RTN4: variants seen among roughly 807,000 people sequenced by gnomAD.
The protein encoded by RTN4 is reticulon 4, also known as reticulon-4.
Under a neutral mutation model 90.4 loss-of-function variants are expected in RTN4, and 32 were observed. The observed-to-expected ratio is 0.35, with a 90% CI of 0.27 to 0.48. The LOEUF (loss-of-function observed/expected upper bound fraction) is 0.48. Ranked by LOEUF, RTN4 falls within the 20% of genes least tolerant of loss-of-function variation. RTN4 has a pLI of 0.99. For synonymous variants in RTN4, 629 were observed against 552.5 expected (o/e 1.14, Z -1.94); for missense variants, 1,706 against 1,430.2 (o/e 1.19, Z -3.11).
intron 4 of RTN4, among the ~76,000 whole-genome samples, chr2:54,983,394 T>A (rs1161312613): frequency 1.3e-5 from 2 of 152,110 alleles, no homozygotes; most frequent in Non-Finnish European, 2.9e-5. Context: ...CACAGGAATG[T>A]AAGAAACAGT....
intron 1 of RTN4, among the ~76,000 whole-genome samples, chr2:55,047,325 C>A (rs1413911693): frequency 8.0e-6 from 1 of 125,750 alleles, no homozygotes; most frequent in Non-Finnish European, 1.6e-5. Flanking sequence ...GGGAGACTAT[C>A]TCAAAAAAAA....
chr2:55,008,400 C>T (rs1246604247), intron 3 of RTN4, among the ~76,000 whole-genome samples: 1 of 151,886 alleles, frequency 6.6e-6, no homozygotes, highest in Non-Finnish European at 1.5e-5. Flanking sequence ...CAACTTAAAC[C>T]TTACTCTGTA....
intron 3 of RTN4, among the ~76,000 whole-genome samples, chr2:55,020,094 TAA>T (rs1681318064): frequency 6.6e-6 from 1 of 151,992 alleles, no homozygotes; most frequent in African/African-American, 2.4e-5. Context: ...TCATGAATCA[TAA>T]GAGTTAACAT....
At chr2:55,077,756 TACACACACACAC>T (rs200121610) in intron 2 of RTN4, among the ~76,000 whole-genome samples, 7 of 144,464 alleles carry the variant, frequency 4.8e-5, no homozygotes, top group South Asian at 2.2e-4. Context: ...AAATGTTTTA[TACACACACACAC>T]ACACACACAC....
At chr2:55,087,009 T>C (rs1042632391) in intron 1 of RTN4, among the ~76,000 whole-genome samples, 2 of 152,162 alleles carry the variant, frequency 1.3e-5, no homozygotes, top group Non-Finnish European at 2.9e-5. Context: ...CTTTTTGATA[T>C]CTGGGCTCCT....
At chr2:55,099,832 G>A (rs143846603) in intron 1 of RTN4, among the ~76,000 whole-genome samples, 11 of 152,156 alleles carry the variant, frequency 7.2e-5, no homozygotes, top group African/African-American at 2.2e-4. Context: ...TAAATGAAGC[G>A]ATTCATGTAA....
At chr2:55,008,975 C>A (rs959346295) in intron 3 of RTN4, among the ~76,000 whole-genome samples, 19 of 152,188 alleles carry the variant, frequency 1.2e-4, no homozygotes, top group African/African-American at 3.9e-4. Context: ...AAAGGCAAAA[C>A]CCAAAGCTGT....
At chr2:55,021,318 A>G (rs1681413482) in intron 3 of RTN4, among the ~76,000 whole-genome samples, 1 of 152,088 alleles carries the variant, frequency 6.6e-6, no homozygotes, top group African/African-American at 2.4e-5. Flanking sequence ...TATGTCCTCA[A>G]CAGTGTGTCT....
At chr2:55,080,751 C>T (rs1012387683) in intron 1 of RTN4, 2 of 152,172 alleles carry the variant, frequency 1.3e-5, no homozygotes, top group African/African-American at 4.8e-5. Context: ...GCATATGACC[C>T]TTCTGTCTTT....
intron 2 of RTN4, 91 bp downstream of exon 2, chr2:55,028,073 A>G: frequency 9.2e-7 from 1 of 1,083,552 alleles, no homozygotes. Context: ...GCTAATTTTT[A>G]GTAAACCCAA....
At chr2:55,063,413 G>A (rs1404784643) in intron 2 of RTN4, among the ~76,000 whole-genome samples, 2 of 152,118 alleles carry the variant, frequency 1.3e-5, no homozygotes, top group African/African-American at 4.8e-5. Flanking sequence ...TGCTTGGCAT[G>A]TTCACAGAAT....
intron 3 of RTN4, among the ~76,000 whole-genome samples, chr2:54,998,735 T>G (rs1573339861): frequency 6.6e-6 from 1 of 152,188 alleles, no homozygotes; most frequent in East Asian, 1.9e-4. Context: ...ACATTTAAAT[T>G]CATTTTCAAA....
chr2:55,007,442 T>A lies in RTN4; in HGVS notation c.3013+17644A>T, dbSNP rs377230557. Reference sequence around the variant, plus strand: ...TTTCTTTTACAATCAAATCCAAAACTCAATGTCTTCTGCGGTCTGGCCCAG... The same window carrying A: ...TTTCTTTTACAATCAAATCCAAAACACAATGTCTTCTGCGGTCTGGCCCAG... On this transcript the variant is annotated intron_variant, in intron 3 of 8. Coordinates refer to ENST00000337526, the MANE Select transcript of RTN4 (RefSeq NM_020532.5). 3.3e-5 allele frequency among the ~76,000 whole-genome samples: 5 copies of A among 152,220 alleles called. No homozygotes were observed. The East Asian group carries it at 7.7e-4, about 23-fold the overall frequency.
chr2:55,022,856 C>G (rs1422655956), intron 3 of RTN4, among the ~76,000 whole-genome samples: 1 of 147,848 alleles, frequency 6.8e-6, no homozygotes, highest in Non-Finnish European at 1.5e-5. Flanking sequence ...TTATAATCAA[C>G]CTGAACTGCT....
At chr2:55,003,909 AG>A in intron 3 of RTN4, among the ~76,000 whole-genome samples, 1 of 152,220 alleles carries the variant, frequency 6.6e-6, no homozygotes, top group African/African-American at 2.4e-5. Context: ...TCCATGGTGT[AG>A]GGGGACGCGG....
In RTN4 at chr2:54,974,012, T is replaced by C. The variant is rs371206601; in HGVS notation, c.3431-145A>G. ...AAAAACATAAGGATCTCTGGATGCA[T>C]CTGCTGTTGAGGAGCCACTCCAGAG... is the stretch of plus-strand genomic sequence containing the variant. On this transcript the variant is annotated intron_variant, in intron 6 of 8. Transcript: ENST00000337526. 10 of 668,522 alleles carry C rather than the reference T, an allele frequency of 1.5e-5. No individual in the cohort carries two copies. In the African/African-American group the frequency reaches 1.8e-4, roughly 12 times the overall value. The allele number at this position is 668,522 out of a possible 1,614,324, so 41.4% of individuals were successfully genotyped here.
At chr2:55,006,599 G>C (rs1335971539) in intron 3 of RTN4, among the ~76,000 whole-genome samples, 2 of 152,056 alleles carry the variant, frequency 1.3e-5, no homozygotes, top group Non-Finnish European at 2.9e-5. Flanking sequence ...TTTAATGCTA[G>C]GAACATTTCT....
At chr2:55,084,684 C>G (rs1157632163) in intron 1 of RTN4, among the ~76,000 whole-genome samples, 3 of 152,146 alleles carry the variant, frequency 2.0e-5, no homozygotes, top group African/African-American at 7.2e-5. Context: ...GAGTAAGTGT[C>G]AGAACTGAAT....
intron 1 of RTN4, among the ~76,000 whole-genome samples, chr2:55,084,001 G>A (rs970626754): frequency 6.6e-6 from 1 of 152,154 alleles, no homozygotes; most frequent in African/African-American, 2.4e-5. Context: ...CTCTTCATGG[G>A]TTTCTGGAAG....
Sources: allele counts gnomAD v4.1 joint callset (sites outside exome capture counted in the v4.1 genomes callset), GRCh38; gene constraint gnomAD v4.1.1; transcripts MANE v1.5; gene names NCBI Gene and HGNC (gene_info 2026-07-23, HGNC 2026-07-21).